Variants in ITK observed in about 807,000 individuals in gnomAD.
The protein encoded by ITK is IL2 inducible T cell kinase, also known as tyrosine-protein kinase ITK/TSK.
Under a neutral mutation model 87.6 loss-of-function variants are expected in ITK, and 45 were observed. That is an observed-to-expected ratio of 0.51 (90% CI 0.40 to 0.66). ITK has a LOEUF of 0.66. ITK is among the 30% of genes least tolerant of loss of function. ITK has a pLI of 0.00. For missense variants in ITK, 605 were observed against 766.3 expected, an observed-to-expected ratio of 0.79 and a Z score of 2.48; for synonymous variants, 303 against 273.6, an observed-to-expected ratio of 1.11 and a Z score of -1.06.
chr5:157,191,368 T>G, intron 1 of ITK, among the ~76,000 whole-genome samples: 1 of 150,036 alleles, frequency 6.7e-6, no homozygotes, highest in East Asian at 1.9e-4. Context: ...AGATAGACAG[T>G]AGCAGCAAAG....
In ITK at chr5:157,255,160, C is replaced by T. The variant is rs747670211; in HGVS notation, c.*2482C>T. 48 of 183,076 alleles carry T rather than the reference C, an allele frequency of 2.6e-4. 1 individual carries two copies. The highest frequency in any genetic ancestry group is 5.1e-4 in the Non-Finnish European group (44 of 86,114). 11.3% of individuals were successfully genotyped at this position (183,076 alleles called of 1,614,324 possible). On this transcript the variant is annotated 3_prime_UTR_variant, in exon 17 of 17. Coordinates refer to ENST00000422843, the MANE Select transcript of ITK (RefSeq NM_005546.4). ...GTTGAATATAGCAATATTAAAGCTG[C>T]ATTTTAATAAATATGGTGCATAGGG...
chr5:157,246,019 C>T lies in ITK; in HGVS notation c.1633+20C>T. On this transcript the variant is annotated intron_variant, in intron 15 of 16. Coordinates refer to ENST00000422843, the MANE Select transcript of ITK (RefSeq NM_005546.4). ...CATTTGGTGAGTGTCATGCTGGGCCCCACTGCCCCATGATCTGGGCTTCAG... is the reference window on the plus strand; with the variant it reads ...CATTTGGTGAGTGTCATGCTGGGCCTCACTGCCCCATGATCTGGGCTTCAG... 6.6e-7 allele frequency: 1 copy of T among 1,515,958 alleles called. No individual in the cohort carries two copies. The highest frequency in any genetic ancestry group is 1.7e-5 in the Admixed American group (1 of 59,904). The allele number at this position is 1,515,958 out of a possible 1,614,324, so 93.9% of individuals were successfully genotyped here.
chr5:157,184,285 A>G (rs1753598612), intron 1 of ITK, among the ~76,000 whole-genome samples: 1 of 152,210 alleles, frequency 6.6e-6, no homozygotes, highest in African/African-American at 2.4e-5. Flanking sequence ...GTGTTTGCCA[A>G]TTCCTTTGGT....
At chr5:157,189,038 T>C (rs1324965292) in intron 1 of ITK, among the ~76,000 whole-genome samples, 2 of 152,194 alleles carry the variant, frequency 1.3e-5, no homozygotes, top group African/African-American at 2.4e-5. Flanking sequence ...ATAACTCATG[T>C]TGCATTCAGA....
chr5:157,245,926 C>G lies in ITK; in HGVS notation c.1560C>G (p.Phe520Leu), dbSNP rs751900483. ...ACACCAGTTCCACAGGCACCAAATT[C>G]CCGGTGAAGTGGGCATCCCCAGAGG... is the stretch of plus-strand genomic sequence containing the variant. ...DQYTSSTGTK[F>L]PVKWASPEVF... The change falls in exon 15 of 17, where the codon TTC becomes TTG. Residue 520 changes from phenylalanine to leucine, a missense_variant. Physicochemically the swap from Phe to Leu is conservative, Grantham distance 22. Transcript: ENST00000422843. 10 of 1,614,060 alleles carry G rather than the reference C, an allele frequency of 6.2e-6. No homozygotes were observed. The highest frequency in any genetic ancestry group is 7.6e-6 in the Non-Finnish European group (9 of 1,180,020).
intron 9 of ITK, 56 bp downstream of exon 9, chr5:157,238,247 G>A: frequency 7.6e-7 from 1 of 1,318,416 alleles, no homozygotes; most frequent in Non-Finnish European, 1.1e-6. Context: ...AAGTGTGTGA[G>A]CACTGGGGAA....
chr5:157,230,492 C>T (rs560682992), intron 7 of ITK, among the ~76,000 whole-genome samples: 13 of 152,082 alleles, frequency 8.5e-5, no homozygotes, highest in Admixed American at 1.3e-4. Flanking sequence ...AGTGAAGAAC[C>T]GTCATTTTCT....
Position 157,217,597 on chromosome 5 carries a change from A to G in ITK, c.455-270A>G, listed in dbSNP as rs570849723. On this transcript the variant is annotated intron_variant, in intron 4 of 16. Coordinates refer to ENST00000422843, the MANE Select transcript of ITK (RefSeq NM_005546.4). ...ACTGGCAGGCTTTTCCTGGGAATAC[A>G]GAAAGAGAGGGCCCCCGAATATGGA... Among the ~76,000 whole-genome samples, 4 of 152,326 alleles carry G rather than the reference A, an allele frequency of 2.6e-5. No homozygotes were observed. The South Asian group carries it at 6.2e-4, about 24-fold the overall frequency.
chr5:157,254,419 A>G lies in ITK; in HGVS notation c.*1741A>G, dbSNP rs879279990. 6 of 222,576 alleles carry G rather than the reference A, an allele frequency of 2.7e-5. No homozygotes were observed. The highest frequency in any genetic ancestry group is 5.4e-5 in the Non-Finnish European group (6 of 111,430). 13.8% of individuals were successfully genotyped at this position (222,576 alleles called of 1,614,324 possible). On this transcript the variant is annotated 3_prime_UTR_variant, in exon 17 of 17. Coordinates refer to ENST00000422843, the MANE Select transcript of ITK (RefSeq NM_005546.4). ...CTTTAAAAGATTCTTCTGTAGAAGT[A>G]TGAGTTCTTCCTTTAATTATCATTC...
chr5:157,245,401 TCCTGTTATC>T, intron 13 of ITK: 1 of 445,334 alleles, frequency 2.2e-6, no homozygotes, highest in Non-Finnish European at 4.2e-6. Context: ...GATGCTTTCT[TCCTGTTATC>T]CCTGATGTTA....
intron 8 of ITK, among the ~76,000 whole-genome samples, chr5:157,233,033 A>G (rs950661725): frequency 1.3e-5 from 2 of 152,242 alleles, no homozygotes; most frequent in African/African-American, 4.8e-5. Context: ...GATTTTACTC[A>G]GGGATGTCAA....
chr5:157,238,390 G>A (rs925298445), intron 9 of ITK, among the ~76,000 whole-genome samples, 199 bp downstream of exon 9: 6 of 152,190 alleles, frequency 3.9e-5, no homozygotes, highest in East Asian at 1.9e-4. Flanking sequence ...TGACAGAGCT[G>A]GGAGTGGATG....
At chr5:157,225,673 C>T (rs1473171727) in intron 6 of ITK, among the ~76,000 whole-genome samples, 1 of 152,154 alleles carries the variant, frequency 6.6e-6, no homozygotes, top group African/African-American at 2.4e-5. Context: ...TAGCTAAGAA[C>T]AGACCCCAAC....
At chr5:157,231,955 G>C (rs1178857842) in intron 7 of ITK, among the ~76,000 whole-genome samples, 1 of 152,132 alleles carries the variant, frequency 6.6e-6, no homozygotes, top group Non-Finnish European at 1.5e-5. Flanking sequence ...CTTATGAAAC[G>C]AAGAGGAAAA....
At chr5:157,193,750 G>A (rs576235589) in intron 1 of ITK, among the ~76,000 whole-genome samples, 1 of 152,276 alleles carries the variant, frequency 6.6e-6, no homozygotes, top group South Asian at 2.1e-4. Context: ...CAGAGTTGGG[G>A]CAAGGATTTG....
chr5:157,217,771 G>A (rs1020017402), intron 4 of ITK, 96 bp from the exon 5 acceptor site: 20 of 1,015,098 alleles, frequency 2.0e-5, no homozygotes, highest in Admixed American at 5.3e-5. Flanking sequence ...TTTTCCCTGG[G>A]CCCTTTTTCT....
intron 1 of ITK, among the ~76,000 whole-genome samples, chr5:157,202,612 G>A (rs1178172557): frequency 3.3e-5 from 5 of 152,100 alleles, no homozygotes; most frequent in Admixed American, 2.0e-4. Flanking sequence ...GTGTATATGC[G>A]TCTTTATGGT....
At chr5:157,230,237 A>T (rs1754622936) in intron 7 of ITK, among the ~76,000 whole-genome samples, 1 of 152,230 alleles carries the variant, frequency 6.6e-6, no homozygotes, top group Non-Finnish European at 1.5e-5. Flanking sequence ...AGAATAGTAA[A>T]GCAAATGTAT....
chr5:157,193,895 A>G (rs1753800532), intron 1 of ITK, among the ~76,000 whole-genome samples: 1 of 152,218 alleles, frequency 6.6e-6, no homozygotes, highest in Admixed American at 6.5e-5. Flanking sequence ...AAAAACCACA[A>G]TAGTTAGCAT....
Sources: gnomAD v4.1 joint callset for allele counts (sites outside exome capture counted in the v4.1 genomes callset) on GRCh38, gnomAD v4.1.1 for gene constraint, MANE v1.5 for transcripts, NCBI Gene and HGNC (gene_info 2026-07-23, HGNC 2026-07-21) for gene names.